The following MIA2 variants were observed in gnomAD, a reference collection of about 807,000 sequenced individuals.
The protein encoded by MIA2 is melanoma inhibitory activity protein 2.
Under a neutral mutation model 167.8 loss-of-function variants are expected in MIA2, and 127 were observed. That is an observed-to-expected ratio of 0.76 (90% CI 0.66 to 0.88). The LOEUF is 0.88. MIA2 is among the 40% of genes least tolerant of loss of function. The pLI, the probability that MIA2 is intolerant of heterozygous loss-of-function variation, is 0.00. For missense variants in MIA2, 1,690 were observed against 1,624.7 expected, an observed-to-expected ratio of 1.04 and a Z score of -0.69; for synonymous variants, 552 against 541.9, an observed-to-expected ratio of 1.02 and a Z score of -0.26.
chr14:39,266,961 C>G (rs1288315712), intron 6 of MIA2: 9 of 688,998 alleles, frequency 1.3e-5, no homozygotes, highest in African/African-American at 1.9e-5. Context: ...GCGGCTCACA[C>G]GACAGCGCGG....
At chr14:39,267,666 C>T in intron 6 of MIA2, 11 of 977,368 alleles carry the variant, frequency 1.1e-5, no homozygotes, top group Non-Finnish European at 1.6e-5. Context: ...GGCTCCCGCC[C>T]GTGTTCGAGG....
intron 9 of MIA2, among the ~76,000 whole-genome samples, chr14:39,286,771 G>A (rs1375510969): frequency 7.0e-6 from 1 of 143,198 alleles, no homozygotes; most frequent in African/African-American, 2.6e-5. Flanking sequence ...TCAGCTCACT[G>A]CAACCTCTGC....
At chr14:39,295,661 G>C (rs1270438857) in intron 13 of MIA2, among the ~76,000 whole-genome samples, 5 of 152,072 alleles carry the variant, frequency 3.3e-5, no homozygotes, top group African/African-American at 1.2e-4. Flanking sequence ...CCAGGTTCAA[G>C]CAATTTTTCT....
intron 23 of MIA2, among the ~76,000 whole-genome samples, chr14:39,374,525 G>T (rs1217218663): frequency 1.3e-5 from 2 of 152,164 alleles, no homozygotes; most frequent in African/African-American, 4.8e-5. Flanking sequence ...CTTTCAAAAG[G>T]CAAAACATCA....
intron 18 of MIA2, 53 bp from the exon 19 acceptor site, chr14:39,313,287 T>A: frequency 1.1e-6 from 1 of 885,346 alleles, no homozygotes; most frequent in Non-Finnish European, 1.7e-6. Context: ...AAATATAGAA[T>A]TGATTATCTT....
At chr14:39,320,328 T>A (rs2066193654) in intron 23 of MIA2, among the ~76,000 whole-genome samples, 1 of 152,206 alleles carries the variant, frequency 6.6e-6, no homozygotes, top group Non-Finnish European at 1.5e-5. Context: ...GTGGTAGGTG[T>A]CTTGGCTGTA....
At chr14:39,280,844 T>C (rs1045393079) in intron 9 of MIA2, among the ~76,000 whole-genome samples, 4 of 152,122 alleles carry the variant, frequency 2.6e-5, no homozygotes, top group African/African-American at 9.7e-5. Context: ...GTGGTTTTTT[T>C]CTATTTGTCC....
At chr14:39,361,638 C>G (rs914974453) in intron 23 of MIA2, among the ~76,000 whole-genome samples, 1 of 152,072 alleles carries the variant, frequency 6.6e-6, no homozygotes, top group African/African-American at 2.4e-5. Context: ...TGGGGTTTCA[C>G]CATGTTAGTC....
intron 6 of MIA2, among the ~76,000 whole-genome samples, chr14:39,256,166 T>C (rs1375480784): frequency 6.6e-6 from 1 of 152,218 alleles, no homozygotes; most frequent in African/African-American, 2.4e-5. Flanking sequence ...CTTGCTTACA[T>C]AGACATGGAC....
intron 23 of MIA2, chr14:39,385,752 A>G: frequency 1.1e-6 from 1 of 881,844 alleles, no homozygotes; most frequent in Non-Finnish European, 1.9e-6. Flanking sequence ...TCTGGATAAT[A>G]GTAGATGAAT....
intron 6 of MIA2, among the ~76,000 whole-genome samples, chr14:39,254,168 G>A (rs2152640541): frequency 6.6e-6 from 1 of 152,268 alleles, no homozygotes; most frequent in African/African-American, 2.4e-5. Context: ...TATTTGAGCT[G>A]ATTTTGAAGG....
chr14:39,269,515 TTTTC>T (rs1404336224), intron 6 of MIA2, among the ~76,000 whole-genome samples: 5 of 151,768 alleles, frequency 3.3e-5, no homozygotes, highest in East Asian at 1.9e-4. Flanking sequence ...TTCATTTCTT[TTTTC>T]TTTCTTTTTT....
intron 28 of MIA2, among the ~76,000 whole-genome samples, chr14:39,349,403 A>C (rs1281004559): frequency 3.3e-5 from 5 of 152,198 alleles, no homozygotes; most frequent in Non-Finnish European, 7.4e-5. Context: ...TACTTATTTA[A>C]AACTTAAAAT....
At chr14:39,354,299 A>G (rs1388987469), downstream of MIA2, among the ~76,000 whole-genome samples, 1 of 152,096 alleles carries the variant, frequency 6.6e-6, no homozygotes, top group Non-Finnish European at 1.5e-5. Context: ...TTTGATTTGC[A>G]TTTCTCTGAT....
At chr14:39,303,574 T>G in intron 16 of MIA2, 50 bp downstream of exon 16, 1 of 1,323,736 alleles carries the variant, frequency 7.6e-7, no homozygotes, top group Non-Finnish European at 1.1e-6. Flanking sequence ...AAAGAGAACG[T>G]GGATTACTCA....
intron 9 of MIA2, among the ~76,000 whole-genome samples, chr14:39,283,525 C>A (rs2059234158): frequency 6.6e-6 from 1 of 152,060 alleles, no homozygotes; most frequent in African/African-American, 2.4e-5. Context: ...TTTCTCTTTT[C>A]TTGTCTAGAA....
chr14:39,332,079 A>G (rs762557363), intron 25 of MIA2, among the ~76,000 whole-genome samples: 29 of 152,210 alleles, frequency 1.9e-4, no homozygotes, highest in Non-Finnish European at 3.8e-4. Flanking sequence ...AGGTACACCA[A>G]TCAAATATAG....
chr14:39,324,487 CTA>C (rs1330773395), intron 24 of MIA2, among the ~76,000 whole-genome samples: 1 of 152,126 alleles, frequency 6.6e-6, no homozygotes, highest in Non-Finnish European at 1.5e-5. Context: ...TTAAAGATTA[CTA>C]TATATTAAAT....
intron 6 of MIA2, chr14:39,265,495 T>C (rs2055454612): frequency 1.7e-6 from 2 of 1,210,460 alleles, no homozygotes; most frequent in African/African-American, 1.5e-5. Context: ...TAAGCTTTAC[T>C]GTGTTTTTGC....
Sources: gnomAD v4.1 joint callset for allele counts (sites outside exome capture counted in the v4.1 genomes callset) on GRCh38, gnomAD v4.1.1 for gene constraint, MANE v1.5 for transcripts, NCBI Gene and HGNC (gene_info 2026-07-23, HGNC 2026-07-21) for gene names.